The following RALYL variants were observed in gnomAD, a reference collection of about 807,000 sequenced individuals.
The protein encoded by RALYL is RNA-binding Raly-like protein.
A neutral mutation model predicts 35.1 loss-of-function variants in RALYL; 29 were observed. The observed-to-expected ratio is 0.83, with a 90% CI of 0.61 to 1.13. RALYL has a LOEUF of 1.13. RALYL is among the 50% of genes most tolerant of loss of function. The pLI, the probability that RALYL is intolerant of heterozygous loss-of-function variation, is 0.00. For synonymous variants in RALYL, 120 were observed against 127.6 expected, an observed-to-expected ratio of 0.94 and a Z score of 0.40; for missense variants, 359 against 360.4, an observed-to-expected ratio of 1.00 and a Z score of 0.03.
intron 2 of RALYL, among the ~76,000 whole-genome samples, chr8:84,641,679 C>T (rs1197435919): frequency 6.7e-6 from 1 of 149,540 alleles, no homozygotes; most frequent in Non-Finnish European, 1.5e-5. Context: ...AAAATCTGAA[C>T]ATTAGGTGAA....
chr8:84,435,696 G>T (rs907444649), intron 1 of RALYL, among the ~76,000 whole-genome samples: 2 of 151,982 alleles, frequency 1.3e-5, no homozygotes, highest in Admixed American at 6.6e-5. Context: ...AATATTCAGG[G>T]TAATCACTAC....
intron 2 of RALYL, among the ~76,000 whole-genome samples, chr8:84,537,195 C>T (rs1173192777): frequency 2.7e-5 from 4 of 149,480 alleles, no homozygotes; most frequent in South Asian, 2.1e-4. Flanking sequence ...ACGGGCCGGG[C>T]GCAGTGGCTC....
chr8:84,854,121 G>C (rs1415081998), intron 5 of RALYL, among the ~76,000 whole-genome samples: 1 of 152,024 alleles, frequency 6.6e-6, no homozygotes, highest in Non-Finnish European at 1.5e-5. Context: ...CGAGGCAGAC[G>C]GATCACCTGC....
chr8:84,334,324 CA>C (rs1453562801), intron 1 of RALYL, among the ~76,000 whole-genome samples: 5 of 151,870 alleles, frequency 3.3e-5, no homozygotes, highest in African/African-American at 1.2e-4. Context: ...AATTTTATAT[CA>C]AATTATACTA....
chr8:84,689,324 C>T (rs578134921), intron 2 of RALYL, among the ~76,000 whole-genome samples: 90 of 152,006 alleles, frequency 5.9e-4, no homozygotes, highest in Middle Eastern at 3.4e-3. Flanking sequence ...TAAGAATATG[C>T]GGTGTTTGGT....
At chr8:84,315,715 A>G (rs1349535465) in intron 1 of RALYL, among the ~76,000 whole-genome samples, 3 of 152,038 alleles carry the variant, frequency 2.0e-5, no homozygotes, top group Non-Finnish European at 4.4e-5. Flanking sequence ...CTTTACAAGC[A>G]TGTAGCCCAA....
chr8:84,567,083 G>A (rs115132454), intron 2 of RALYL, among the ~76,000 whole-genome samples: 2,292 of 151,686 alleles, frequency 0.015, 66 homozygotes, highest in African/African-American at 0.052. Flanking sequence ...TTTTTGAATA[G>A]GGTTGTTTAT....
intron 2 of RALYL, among the ~76,000 whole-genome samples, chr8:84,559,181 A>T (rs1196156367): frequency 2.0e-5 from 3 of 152,072 alleles, no homozygotes; most frequent in African/African-American, 7.2e-5. Context: ...TGATAAAATA[A>T]TGTTTTTCTG....
intron 2 of RALYL, chr8:84,679,723 T>G (rs1834975158): frequency 1.9e-6 from 1 of 521,498 alleles, no homozygotes; most frequent in Non-Finnish European, 3.9e-6. Context: ...AAGGCAATAT[T>G]AAGTGCTGAT....
intron 1 of RALYL, among the ~76,000 whole-genome samples, chr8:84,259,756 G>T (rs1396458535): frequency 2.0e-5 from 3 of 152,024 alleles, no homozygotes; most frequent in Non-Finnish European, 4.4e-5. Context: ...TCAACAGCCA[G>T]AAAAACAACA....
chr8:84,225,946 G>T (rs1823769642), intron 1 of RALYL, among the ~76,000 whole-genome samples: 1 of 152,186 alleles, frequency 6.6e-6, no homozygotes, highest in South Asian at 2.1e-4. Context: ...ATGAGAAGTA[G>T]GTTATTTAGT....
At chr8:84,315,486 A>C (rs920676972) in intron 1 of RALYL, among the ~76,000 whole-genome samples, 3 of 152,184 alleles carry the variant, frequency 2.0e-5, no homozygotes, top group Non-Finnish European at 4.4e-5. Flanking sequence ...TGCAACTTTT[A>C]GGAAAAGGAA....
chr8:84,816,919 T>C (rs1193020762), intron 4 of RALYL, among the ~76,000 whole-genome samples: 1 of 151,924 alleles, frequency 6.6e-6, no homozygotes, highest in Non-Finnish European at 1.5e-5. Context: ...AAGTTAACAT[T>C]AGAAAATTTT....
chr8:84,785,467 G>A lies in RALYL; in HGVS notation c.332+10813G>A, dbSNP rs929870114. On this transcript the variant is annotated intron_variant, in intron 3 of 8. Transcript: ENST00000521268. ...TCCATTTCTAACATTCTGGGATTCT[G>A]CTGTTTACTTCCCAATCCAGAGACT... Among the ~76,000 whole-genome samples the A allele has an allele frequency of 2.4e-4, 37 of 152,106 alleles. 1 individual carries two copies. The highest frequency in any genetic ancestry group is 1.6e-3 in the Admixed American group (25 of 15,272).
At chr8:84,189,897 T>A (rs1813445700) in intron 1 of RALYL, among the ~76,000 whole-genome samples, 1 of 152,208 alleles carries the variant, frequency 6.6e-6, no homozygotes, top group Admixed American at 6.5e-5. Flanking sequence ...TAACTGGTCC[T>A]GAAAGGACCT....
rs374919189 is a variant in RALYL at position 84,907,073 on chromosome 8, A to G, written c.859-13821A>G. ...TAAGTATCCCGGAAACCTTATGCAT[A>G]TTTGATATTTTCTGCCTTGCCACAG... On this transcript the variant is annotated intron_variant, in intron 8 of 8. Coordinates refer to ENST00000521268, the MANE Select transcript of RALYL (RefSeq NM_173848.7). The G allele has an allele frequency of 8.5e-6, 5 of 587,480 alleles. No individual in the cohort carries two copies. In the East Asian group the frequency reaches 5.7e-4, roughly 67 times the overall value. The allele number at this position is 587,480 out of a possible 1,614,324, so 36.4% of individuals were successfully genotyped here.
intron 1 of RALYL, among the ~76,000 whole-genome samples, chr8:84,436,675 A>G (rs1227606416): frequency 6.8e-6 from 1 of 147,926 alleles, no homozygotes; most frequent in Non-Finnish European, 1.5e-5. Flanking sequence ...GGTATAATTG[A>G]TATAAAAACA....
intron 1 of RALYL, among the ~76,000 whole-genome samples, chr8:84,258,929 T>G (rs1431889832): frequency 6.6e-6 from 1 of 152,158 alleles, no homozygotes; most frequent in African/African-American, 2.4e-5. Context: ...CTGTTCTATC[T>G]TTATTGTTTT....
chr8:84,498,710 CTTT>C (rs1188051699), intron 1 of RALYL, among the ~76,000 whole-genome samples: 1 of 152,056 alleles, frequency 6.6e-6, no homozygotes, highest in Non-Finnish European at 1.5e-5. Context: ...CTAATACACT[CTTT>C]TAAGAGAAAT....
Sources: gnomAD v4.1 joint callset for allele counts (sites outside exome capture counted in the v4.1 genomes callset) on GRCh38, gnomAD v4.1.1 for gene constraint, MANE v1.5 for transcripts, NCBI Gene and HGNC (gene_info 2026-07-23, HGNC 2026-07-21) for gene names.